GRIK2: variants seen among roughly 807,000 people sequenced by gnomAD.
GRIK2 encodes glutamate ionotropic receptor kainate type subunit 2, also known as glutamate receptor ionotropic, kainate 2.
GRIK2 carries 32 observed loss-of-function variants against 100.3 expected under a neutral mutation model. The ratio of observed to expected loss-of-function variants is 0.32; its 90% CI spans 0.24 to 0.43. GRIK2 has a LOEUF of 0.43. GRIK2 is among the 20% of genes least tolerant of loss of function. GRIK2 has a pLI of 1.00. For missense variants in GRIK2, 843 were observed against 1,114.9 expected, an observed-to-expected ratio of 0.76 and a Z score of 3.47; for synonymous variants, 417 against 389.4, an observed-to-expected ratio of 1.07 and a Z score of -0.83.
intron 15 of GRIK2, among the ~76,000 whole-genome samples, chr6:102,037,748 C>T (rs937165253): frequency 2.6e-4 from 40 of 151,146 alleles, no homozygotes; most frequent in Admixed American, 2.6e-3. Flanking sequence ...TGGTTTATTG[C>T]CCTAGCTCTG....
chr6:101,912,116 A>T (rs1420691543), intron 12 of GRIK2, among the ~76,000 whole-genome samples: 1 of 139,064 alleles, frequency 7.2e-6, no homozygotes, highest in Non-Finnish European at 1.6e-5. Flanking sequence ...ACACACAGAG[A>T]CCGAGAGAGA....
chr6:101,994,781 G>C (rs566270846), intron 14 of GRIK2, among the ~76,000 whole-genome samples: 21 of 151,728 alleles, frequency 1.4e-4, no homozygotes, highest in Non-Finnish European at 2.5e-4. Flanking sequence ...ATCTTGAATT[G>C]ATAATTAATT....
chr6:101,831,177 T>C (rs558262409), intron 10 of GRIK2, among the ~76,000 whole-genome samples: 15 of 152,266 alleles, frequency 9.9e-5, no homozygotes, highest in African/African-American at 3.1e-4. Context: ...CTTTTATATG[T>C]AGAAAGTTCA....
chr6:101,863,508 A>G (rs897109899), intron 11 of GRIK2, among the ~76,000 whole-genome samples: 7 of 152,202 alleles, frequency 4.6e-5, no homozygotes, highest in South Asian at 2.1e-4. Flanking sequence ...GCACTTAATC[A>G]TAGACATTCC....
At chr6:101,469,426 C>A (rs899008778) in intron 2 of GRIK2, among the ~76,000 whole-genome samples, 1 of 152,038 alleles carries the variant, frequency 6.6e-6, no homozygotes, top group Non-Finnish European at 1.5e-5. Flanking sequence ...AAATGTTAAC[C>A]CACTGGGCCC....
chr6:101,523,168 C>T (rs943257698), intron 2 of GRIK2, among the ~76,000 whole-genome samples: 1 of 152,058 alleles, frequency 6.6e-6, no homozygotes, highest in Non-Finnish European at 1.5e-5. Context: ...GAATTATTAT[C>T]TCTCAGTATA....
intron 2 of GRIK2, among the ~76,000 whole-genome samples, chr6:101,424,759 T>C (rs1776616315): frequency 6.6e-6 from 1 of 151,076 alleles, no homozygotes; most frequent in Non-Finnish European, 1.5e-5. Flanking sequence ...ATGTTCCCCT[T>C]CCTGTGTCCA....
intron 12 of GRIK2, among the ~76,000 whole-genome samples, chr6:101,912,552 G>A (rs1788810957): frequency 6.6e-6 from 1 of 151,556 alleles, no homozygotes; most frequent in Admixed American, 6.6e-5. Flanking sequence ...ACATTTAAAA[G>A]CAGTGCTTTC....
At position 101,799,713 on chromosome 6, in the gene GRIK2, G is replaced by A; in HGVS notation, c.1017G>A (p.Gln339=). 2 of 1,613,152 alleles carry A rather than the reference G, an allele frequency of 1.2e-6. No individual in the cohort carries two copies. Among genetic ancestry groups the A allele is most frequent in the Non-Finnish European group, 1.7e-6 (2 of 1,179,254 alleles). The part of the protein sequence containing the change: ...VVSVAVQQFP[Q]MTVSSLQCNR... ...CTGTGGCCGTTCAACAGTTTCCCCA[G>A]ATGACAGTCAGTTCCTTGCAGTGTA... The change falls in exon 8 of 17, where the codon CAG becomes CAA. Residue 339 remains glutamine, a synonymous_variant. Coordinates refer to ENST00000369134, the MANE Select transcript of GRIK2 (RefSeq NM_021956.5).
intron 10 of GRIK2, among the ~76,000 whole-genome samples, chr6:101,825,048 G>A (rs1252956238): frequency 6.6e-6 from 1 of 152,144 alleles, no homozygotes; most frequent in African/African-American, 2.4e-5. Flanking sequence ...TGTGGTAGAA[G>A]GACTGTCAAG....
At chr6:102,038,467 C>A (rs1311810484) in intron 15 of GRIK2, among the ~76,000 whole-genome samples, 1 of 138,194 alleles carries the variant, frequency 7.2e-6, no homozygotes. Flanking sequence ...TGGATAAGGG[C>A]AGAGATATTT....
chr6:101,693,798 ATG>A (rs1192214257), intron 7 of GRIK2, among the ~76,000 whole-genome samples: 1 of 152,076 alleles, frequency 6.6e-6, no homozygotes, highest in Non-Finnish European at 1.5e-5. Context: ...TATCATATAT[ATG>A]TATATGATCA....
intron 14 of GRIK2, among the ~76,000 whole-genome samples, chr6:101,932,448 C>G (rs1790349687): frequency 6.6e-6 from 1 of 151,914 alleles, no homozygotes; most frequent in African/African-American, 2.4e-5. Flanking sequence ...CTCTACCAAC[C>G]TAATTGGTTA....
At chr6:101,876,617 T>G (rs1296597036) in intron 11 of GRIK2, among the ~76,000 whole-genome samples, 2 of 151,776 alleles carry the variant, frequency 1.3e-5, no homozygotes, top group East Asian at 1.9e-4. Context: ...CAAAGAGAGC[T>G]TATCAATGCA....
chr6:101,823,231 A>G (rs529067093), intron 10 of GRIK2, among the ~76,000 whole-genome samples: 1 of 152,260 alleles, frequency 6.6e-6, no homozygotes, highest in Admixed American at 6.5e-5. Context: ...TAAGAATTGC[A>G]ATGTTTACAC....
intron 7 of GRIK2, among the ~76,000 whole-genome samples, chr6:101,734,945 TGGG>T (rs1478007953): frequency 6.6e-6 from 1 of 152,052 alleles, no homozygotes; most frequent in Non-Finnish European, 1.5e-5. Context: ...TCATTGAGAA[TGGG>T]AGAGTTTTGA....
chr6:101,649,198 A>T (rs1781671745), intron 4 of GRIK2, among the ~76,000 whole-genome samples: 1 of 152,102 alleles, frequency 6.6e-6, no homozygotes, highest in African/African-American at 2.4e-5. Flanking sequence ...TCAAGAAGGT[A>T]GTTTAGGTCC....
At chr6:101,883,914 T>C (rs1562462884) in intron 11 of GRIK2, among the ~76,000 whole-genome samples, 1 of 152,144 alleles carries the variant, frequency 6.6e-6, no homozygotes, top group Non-Finnish European at 1.5e-5. Context: ...CTATAAGTCA[T>C]TGGAGGATAC....
At chr6:101,726,079 A>G (rs1207854802) in intron 7 of GRIK2, among the ~76,000 whole-genome samples, 2 of 151,976 alleles carry the variant, frequency 1.3e-5, no homozygotes, top group Non-Finnish European at 2.9e-5. Context: ...CCTCATAAAG[A>G]TTAAAAACTG....
Sources: allele counts gnomAD v4.1 joint callset (sites outside exome capture counted in the v4.1 genomes callset), GRCh38; gene constraint gnomAD v4.1.1; transcripts MANE v1.5; gene names NCBI Gene and HGNC (gene_info 2026-07-23, HGNC 2026-07-21).